Variants in ANKRD35 observed in about 807,000 individuals in gnomAD.
ANKRD35 encodes ankyrin repeat domain 35.
A neutral mutation model predicts 109.9 loss-of-function variants in ANKRD35; 102 were observed. The observed-to-expected ratio is 0.93, with a 90% CI of 0.79 to 1.09. The LOEUF (loss-of-function observed/expected upper bound fraction) is 1.09, where lower values mean the gene tolerates loss of function less well. Among genes scored for constraint, ANKRD35 ranks in the 50% least tolerant of loss-of-function variants. The pLI is 0.00. For missense variants in ANKRD35, 1,240 were observed against 1,230.1 expected (o/e 1.01, Z -0.12); for synonymous variants, 515 against 512.4 (o/e 1.01, Z -0.07).
chr1:145,876,186 G>C lies in ANKRD35; in HGVS notation c.514C>G (p.Leu172Val). Reference protein sequence around the residue: ...LGGHAAICSQLLQRGARVNVT... With the variant: ...LGGHAAICSQVLQRGARVNVT... The stretch of plus-strand genomic sequence containing the variant: ...TTAACTCGGGCGCCTCGCTGCAGCA[G>C]CTGTGAGCAGATAGCTGCGTGCCCA... The change falls in exon 7 of 14, where the codon CTG becomes GTG. Residue 172 changes from leucine (L) to valine (V), a missense_variant. Coordinates refer to ENST00000355594, the MANE Select transcript of ANKRD35 (RefSeq NM_144698.5). 1.9e-6 allele frequency: 3 copies of C among 1,614,098 alleles called. No individual in the cohort carries two copies. The highest frequency in any genetic ancestry group is 2.5e-6 in the Non-Finnish European group (3 of 1,180,008).
chr1:145,880,161 G>A (rs1048303408), intron 1 of ANKRD35, among the ~76,000 whole-genome samples: 1 of 152,160 alleles, frequency 6.6e-6, no homozygotes, highest in African/African-American at 2.4e-5. Context: ...CCACACCTGG[G>A]CATGCATTGT....
chr1:145,871,121 T>TTTC lies in ANKRD35; in HGVS notation c.2787+860_2787+861insGAA, dbSNP rs1570794263. 9.7e-3 allele frequency among the ~76,000 whole-genome samples: 1,086 copies of TTTC among 112,330 alleles called. 17 individuals carry two copies. Among genetic ancestry groups the TTTC allele is most frequent in the East Asian group, 0.022 (53 of 2,388 alleles). 73.7% of individuals were successfully genotyped at this position (112,330 alleles called of 152,430 possible). On this transcript the variant is annotated intron_variant, in intron 10 of 13. Transcript: ENST00000355594. ...TATCTAATAGTGGTTTTCAAGCTTTTTTTCTTTCTTTCTTTCTTTCTTTTC... is the reference window on the plus strand; with the variant it reads ...TATCTAATAGTGGTTTTCAAGCTTTTTTCTTTCTTTCTTTCTTTCTTTCTTTTC...
intron 11 of ANKRD35, 41 bp from the exon 12 acceptor site, chr1:145,868,097 A>C (rs782641153): frequency 1.2e-6 from 2 of 1,600,510 alleles, no homozygotes; most frequent in Non-Finnish European, 1.7e-6. Flanking sequence ...GTCCACCCTC[A>C]GTCACCCAAG....
At chr1:145,878,511 T>A (rs2101714379) in intron 2 of ANKRD35, 32 bp from the exon 3 acceptor site, 1 of 1,544,902 alleles carries the variant, frequency 6.5e-7, no homozygotes, top group Non-Finnish European at 8.8e-7. Context: ...GGCCAAAGGA[T>A]AAAGGGACCA....
At chr1:145,884,848 C>T (rs1167289117) in intron 1 of ANKRD35, among the ~76,000 whole-genome samples, 1 of 152,198 alleles carries the variant, frequency 6.6e-6, no homozygotes, top group Non-Finnish European at 1.5e-5. Context: ...GGCCCAAGAA[C>T]CAGTCTGATG....
chr1:145,869,383 C>T (rs1178165547), intron 10 of ANKRD35, among the ~76,000 whole-genome samples: 3 of 151,944 alleles, frequency 2.0e-5, no homozygotes, highest in African/African-American at 2.4e-5. Context: ...GGTTTCACTA[C>T]GTTGGCCAGG....
rs1553737994 is a variant in ANKRD35 at position 145,867,991 on chromosome 1, C to A, written c.2943G>T (p.Arg981=). ...TCCCTCAAAACTCCACCATGCTCAC[C>A]CGAGCAGCATTCAGTAGATGATTCC... ...TYRNHLLNAA[R]GYMEHEVYNI... is the part of the protein sequence containing the mutation. Residue 981 remains arginine (R), a splice_region_variant and synonymous_variant, in exon 12 of 14, where the codon CGG becomes CGT. Coordinates refer to ENST00000355594, the MANE Select transcript of ANKRD35 (RefSeq NM_144698.5). The A allele has an allele frequency of 6.2e-7, 1 of 1,614,074 alleles. No homozygotes were observed. The highest frequency in any genetic ancestry group is 1.1e-5 in the South Asian group (1 of 91,080).
intron 1 of ANKRD35, among the ~76,000 whole-genome samples, chr1:145,885,111 G>C (rs1654429200): frequency 6.6e-6 from 1 of 152,192 alleles, no homozygotes; most frequent in African/African-American, 2.4e-5. Flanking sequence ...TTGGAGTGAT[G>C]TTTGAGGAAC....
intron 1 of ANKRD35, among the ~76,000 whole-genome samples, chr1:145,883,271 G>C (rs1553741425): frequency 6.6e-6 from 1 of 152,042 alleles, no homozygotes; most frequent in African/African-American, 2.4e-5. Context: ...TTTTAGTAGA[G>C]ATAGGGTATC....
At chr1:145,877,627 T>C (rs181295873) in intron 4 of ANKRD35, among the ~76,000 whole-genome samples, 27 of 152,296 alleles carry the variant, frequency 1.8e-4, no homozygotes, top group Admixed American at 1.6e-3. Flanking sequence ...CTATAAACTC[T>C]TCAGAAACAG....
rs200954606 is a variant in ANKRD35, at chr1:145,876,170, G to A, written c.530C>T (p.Ala177Val). The change falls in exon 7 of 14, where the codon GCC becomes GTC. Residue 177 changes from alanine (A) to valine (V), a missense_variant. Physicochemically the swap from Ala to Val is moderately conservative, Grantham distance 64. Coordinates refer to ENST00000355594, the MANE Select transcript of ANKRD35 (RefSeq NM_144698.5). The stretch of plus-strand genomic sequence containing the variant: ...ATTCTTGTCTGTAACATTAACTCGG[G>A]CGCCTCGCTGCAGCAGCTGTGAGCA... ...AICSQLLQRG[A>V]RVNVTDKNDK... 7.6e-5 allele frequency: 122 copies of A among 1,613,980 alleles called. No individual in the cohort carries two copies. The highest frequency in any genetic ancestry group is 2.5e-4 in the Admixed American group (15 of 60,006).
Position 145,873,650 on chromosome 1 carries a change from AC to A in ANKRD35, c.1118del (p.Cys373PhefsTer13). 1 of 1,614,072 alleles carries A rather than the reference AC, an allele frequency of 6.2e-7. No homozygotes were observed. The highest frequency in any genetic ancestry group is 8.5e-7 in the Non-Finnish European group (1 of 1,180,014). On this transcript the variant is annotated frameshift_variant, in exon 10 of 14. Coordinates refer to ENST00000355594, the MANE Select transcript of ANKRD35 (RefSeq NM_144698.5). LOFTEE classifies it high-confidence loss of function. Reference sequence around the variant, plus strand: ...TACTCTCAGCCAGCAGGTCCTTAGGACAACCCTGCTCCATGCCATCCCCTCC... The same window carrying A: ...TACTCTCAGCCAGCAGGTCCTTAGGAAACCCTGCTCCATGCCATCCCCTCC... ...RPGGDGMEQG[C>X]PKDLLAESTQ...
At chr1:145,878,522 G>T in intron 2 of ANKRD35, 43 bp from the exon 3 acceptor site, 1 of 1,525,372 alleles carries the variant, frequency 6.6e-7, no homozygotes, top group Non-Finnish European at 8.9e-7. Context: ...AAAGGGACCA[G>T]GGATGAGGAA....
intron 8 of ANKRD35, 46 bp from the exon 9 acceptor site, chr1:145,874,238 T>A (rs1265501508): frequency 6.3e-7 from 1 of 1,597,614 alleles, no homozygotes; most frequent in African/African-American, 1.3e-5. Flanking sequence ...ACAGGTTCCA[T>A]GTACTTCCAG....
intron 1 of ANKRD35, among the ~76,000 whole-genome samples, chr1:145,881,508 C>T (rs1559177972): frequency 6.6e-6 from 1 of 152,186 alleles, no homozygotes; most frequent in Non-Finnish European, 1.5e-5. Context: ...AAAATGACTC[C>T]TTCACATACT....
At chr1:145,878,535 G>A (rs890812032) in intron 2 of ANKRD35, 56 bp from the exon 3 acceptor site, 48 of 1,490,804 alleles carry the variant, frequency 3.2e-5, no homozygotes, top group Non-Finnish European at 3.3e-5. Flanking sequence ...ATGAGGAATG[G>A]GAGAATCTTG....
At position 145,876,876 on chromosome 1, in the gene ANKRD35, G is replaced by A. The variant is rs367940277; in HGVS notation, c.325-3C>T. 1.3e-5 allele frequency: 21 copies of A among 1,613,898 alleles called. No homozygotes were observed. The African/African-American group carries it at 2.0e-4, about 15-fold the overall frequency. ...ACAGCATCTTCATTAGCACCATGCT[G>A]CAAATGGCCACAAAGGGAAGCAGCA... On this transcript the variant is annotated splice_polypyrimidine_tract_variant and splice_region_variant and intron_variant, in intron 4 of 13. Transcript: ENST00000355594.
Position 145,868,042 on chromosome 1 carries a change from G to GT in ANKRD35, c.2891dup (p.Asn964LysfsTer3). 1.2e-6 allele frequency: 2 copies of GT among 1,614,110 alleles called. No individual in the cohort carries two copies. Among genetic ancestry groups the GT allele is most frequent in the Non-Finnish European group, 1.7e-6 (2 of 1,180,018 alleles). On this transcript the variant is annotated frameshift_variant, in exon 12 of 14. Transcript: ENST00000355594. LOFTEE classifies it high-confidence loss of function. ...TGTAGGTGGAGATGATCTCTTCATG[G>GT]TTCTTCTGGGAATCCTGGGAATGAA...
Position 145,872,211 on chromosome 1 carries a change from A to G in ANKRD35, c.2558T>C (p.Leu853Pro), listed in dbSNP as rs1653853833. The G allele has an allele frequency of 6.2e-7, 1 of 1,609,762 alleles. No homozygotes were observed. The highest frequency in any genetic ancestry group is 1.1e-5 in the South Asian group (1 of 90,640). The change falls in exon 10 of 14, where the codon CTA (leucine) becomes CCA (proline). Residue 853 changes from leucine (L) to proline (P), a missense_variant. By Grantham distance (98) the Leu-to-Pro change is moderately conservative. Transcript: ENST00000355594. ...VAQAQAWGQE[L>P]KALLEKYNTA... ...ATTATACTTTTCCAACAGAGCCTTTAGCTCCTGGCCCCAAGCCTGAGCCTG... is the reference window on the plus strand; with the variant it reads ...ATTATACTTTTCCAACAGAGCCTTTGGCTCCTGGCCCCAAGCCTGAGCCTG...
Sources: allele counts gnomAD v4.1 joint callset (sites outside exome capture counted in the v4.1 genomes callset), GRCh38; gene constraint gnomAD v4.1.1; transcripts MANE v1.5; gene names NCBI Gene and HGNC (gene_info 2026-07-23, HGNC 2026-07-21).